KIAA1586: variants seen among roughly 807,000 people sequenced by gnomAD.
The protein encoded by KIAA1586 is KIAA1586.
KIAA1586 carries 5 observed loss-of-function variants against 6.1 expected under a neutral mutation model. That is an observed-to-expected ratio of 0.82 (90% confidence interval 0.43 to 1.73). The LOEUF is 1.73. Ranked by LOEUF, KIAA1586 falls within the 40% of genes most tolerant of loss-of-function variation. KIAA1586 has a pLI of 0.02. For synonymous variants in KIAA1586, 280 were observed against 301.7 expected, an observed-to-expected ratio of 0.93 and a Z score of 0.75; for missense variants, 899 against 878.2, an observed-to-expected ratio of 1.02 and a Z score of -0.30.
chr6:57,050,921 T>G, intron 3 of KIAA1586, 67 bp downstream of exon 3: 1 of 1,150,702 alleles, frequency 8.7e-7, no homozygotes, highest in Non-Finnish European at 1.3e-6. Context: ...GGTGGTAGCT[T>G]GAACTGGATC....
At chr6:57,048,837 C>T (rs1421712385) in intron 2 of KIAA1586, among the ~76,000 whole-genome samples, 2 of 151,902 alleles carry the variant, frequency 1.3e-5, no homozygotes, top group African/African-American at 2.4e-5. Flanking sequence ...ATCCATGTGC[C>T]GTTGAGAAAC....
chr6:57,049,201 A>G (rs1432027006), intron 2 of KIAA1586, among the ~76,000 whole-genome samples: 1 of 152,306 alleles, frequency 6.6e-6, no homozygotes, highest in South Asian at 2.1e-4. Flanking sequence ...CAGTGGTGCC[A>G]CATAAAAGAC....
At chr6:57,061,936 CT>C in the KIAA1586 span, among the ~76,000 whole-genome samples, 344 of 136,420 alleles carry the variant, frequency 2.5e-3, no homozygotes, top group Non-Finnish European at 3.0e-3. Context: ...CCTAGGTTTT[CT>C]TTTTTTTTTT....
Position 57,053,087 on chromosome 6 carries a change from A to C in KIAA1586, c.588A>C (p.Lys196Asn). The C allele has an allele frequency of 6.2e-7, 1 of 1,611,022 alleles. No individual in the cohort carries two copies. Among genetic ancestry groups the C allele is most frequent in the Non-Finnish European group, 8.5e-7 (1 of 1,179,102 alleles). Residue 196 changes from lysine to asparagine, a missense_variant, in exon 4 of 4, where the codon AAA becomes AAC. Lys to Asn is a moderately conservative substitution (Grantham distance 94). Coordinates refer to ENST00000370733, the MANE Select transcript of KIAA1586 (RefSeq NM_020931.4). ...AYLVTPNGSN[K>N]TTRQASLRKK... Reference sequence around the variant, plus strand: ...TAGTAACCCCTAATGGCAGTAATAAAACTACTAGGCAAGCTTCTCTACGAA... The same window carrying C: ...TAGTAACCCCTAATGGCAGTAATAACACTACTAGGCAAGCTTCTCTACGAA...
Position 57,053,995 on chromosome 6 carries a change from A to G in KIAA1586, c.1496A>G (p.Tyr499Cys), listed in dbSNP as rs1450721684. ...GCTGCTACTGCTGTATGGCATGCAT[A>G]TCCTATATTATATATGCATTTTTCT... Reference protein sequence around the residue: ...LQAATAVWHAYPILYMHFSHS... With the variant: ...LQAATAVWHACPILYMHFSHS... The change falls in exon 4 of 4, where the codon TAT becomes TGT. Residue 499 changes from tyrosine to cysteine, a missense_variant. Transcript: ENST00000370733. The G allele has an allele frequency of 1.2e-6, 2 of 1,605,124 alleles. No homozygotes were observed. Among genetic ancestry groups the G allele is most frequent in the Non-Finnish European group, 1.7e-6 (2 of 1,176,704 alleles).
At position 57,053,876 on chromosome 6, in the gene KIAA1586, C is replaced by CTAATAAAAATCA. The variant is rs1562571385; in HGVS notation, c.1377_1378insTAATAAAAATCA (p.Thr459_Lys460insTer). On this transcript the variant is annotated stop_gained and inframe_insertion, in exon 4 of 4. Coordinates refer to ENST00000370733, the MANE Select transcript of KIAA1586 (RefSeq NM_020931.4). LOFTEE classifies it low-confidence loss of function (END_TRUNC). ...ATCATCAACCTAATAAAAATCAAACCAAGCTTCTAGGAACTGTAGCTAAAG... is the reference window on the plus strand; with the variant it reads ...ATCATCAACCTAATAAAAATCAAACCTAATAAAAATCAAAGCTTCTAGGAACTGTAGCTAAAG... The CTAATAAAAATCA allele has an allele frequency of 1.3e-6, 2 of 1,568,946 alleles. No homozygotes were observed. The highest frequency in any genetic ancestry group is 8.6e-7 in the Non-Finnish European group (1 of 1,159,110).
the KIAA1586 span, among the ~76,000 whole-genome samples, chr6:57,062,451 T>A: frequency 6.6e-6 from 1 of 152,206 alleles, no homozygotes; most frequent in Non-Finnish European, 1.5e-5. Flanking sequence ...GTGGGGAAAC[T>A]CCTATTAAGA....
chr6:57,054,496 T>G lies in KIAA1586; in HGVS notation c.1997T>G (p.Val666Gly), dbSNP rs1241237215. 6.3e-7 allele frequency: 1 copy of G among 1,594,872 alleles called. No homozygotes were observed. Among genetic ancestry groups the G allele is most frequent in the Non-Finnish European group, 8.5e-7 (1 of 1,172,248 alleles). ...TTGTGTAAAATTTTAAAATATGAAGTTGATTTGAATGATTTTCGGGAATTT... is the reference window on the plus strand; with the variant it reads ...TTGTGTAAAATTTTAAAATATGAAGGTGATTTGAATGATTTTCGGGAATTT... The part of the protein sequence containing the change: ...FHLCKILKYE[V>G]DLNDFREFVN... The change falls in exon 4 of 4, where the codon GTT (valine) becomes GGT (glycine). Residue 666 changes from valine to glycine, a missense_variant. Transcript: ENST00000370733.
At chr6:57,052,418 G>A (rs1483993124) in intron 3 of KIAA1586, among the ~76,000 whole-genome samples, 3 of 152,112 alleles carry the variant, frequency 2.0e-5, no homozygotes, top group Non-Finnish European at 2.9e-5. Flanking sequence ...ACTCATTTGC[G>A]AAACATATGA....
intron 2 of KIAA1586, 40 bp from the exon 3 acceptor site, chr6:57,050,734 G>T: frequency 7.4e-7 from 1 of 1,342,582 alleles, no homozygotes; most frequent in South Asian, 1.2e-5. Context: ...TAATTGGAAT[G>T]ATTGTTCATG....
At chr6:57,056,549 T>TC (rs1320041900), downstream of KIAA1586, among the ~76,000 whole-genome samples, 1 of 151,478 alleles carries the variant, frequency 6.6e-6, no homozygotes, top group African/African-American at 2.4e-5. Flanking sequence ...AGGGTTTTTT[T>TC]TTTTTTTGGA....
downstream of KIAA1586, among the ~76,000 whole-genome samples, chr6:57,056,364 GC>G (rs1828498667): frequency 6.6e-6 from 1 of 151,342 alleles, no homozygotes; most frequent in Non-Finnish European, 1.5e-5. Flanking sequence ...CTGCCACCAT[GC>G]CCAGCTAATT....
Position 57,053,955 on chromosome 6 carries a change from G to A in KIAA1586, c.1456G>A (p.Ala486Thr). 2 of 1,585,022 alleles carry A rather than the reference G, an allele frequency of 1.3e-6. No homozygotes were observed. The highest frequency in any genetic ancestry group is 1.7e-4 in the Middle Eastern group (1 of 5,872). Residue 486 changes from alanine to threonine, a missense_variant, in exon 4 of 4, where the codon GCA becomes ACA. Ala to Thr is a moderately conservative substitution (Grantham distance 58, BLOSUM62 0). Transcript: ENST00000370733. ...TCGAGTAATGGGACCAAGATGGGCG[G>A]CATGTAGTTTACAAGCTGCTACTGC... Reference protein sequence around the residue: ...IGRVMGPRWAACSLQAATAVW... With the variant: ...IGRVMGPRWATCSLQAATAVW...
downstream of KIAA1586, among the ~76,000 whole-genome samples, chr6:57,058,979 A>G (rs1036080163): frequency 6.6e-5 from 10 of 152,198 alleles, no homozygotes; most frequent in African/African-American, 2.2e-4. Flanking sequence ...TTTGAAAAAG[A>G]TGAATGGGAT....
chr6:57,053,974 C>A lies in KIAA1586; in HGVS notation c.1475C>A (p.Ala492Asp). 1 of 1,591,790 alleles carries A rather than the reference C, an allele frequency of 6.3e-7. No homozygotes were observed. Among genetic ancestry groups the A allele is most frequent in the South Asian group, 1.2e-5 (1 of 86,356 alleles). ...PRWAACSLQAATAVWHAYPIL... is the reference protein window; with the variant it reads ...PRWAACSLQADTAVWHAYPIL... ...TGGGCGGCATGTAGTTTACAAGCTG[C>A]TACTGCTGTATGGCATGCATATCCT... The change falls in exon 4 of 4, where the codon GCT (alanine) becomes GAT (aspartate). Residue 492 changes from alanine (A) to aspartate (D), a missense_variant. Coordinates refer to ENST00000370733, the MANE Select transcript of KIAA1586 (RefSeq NM_020931.4).
downstream of KIAA1586, among the ~76,000 whole-genome samples, chr6:57,056,939 C>T (rs1213360651): frequency 2.6e-5 from 4 of 151,972 alleles, no homozygotes; most frequent in Admixed American, 1.3e-4. Flanking sequence ...TTAAAAATTA[C>T]AAGGCCTTGC....
the KIAA1586 span, among the ~76,000 whole-genome samples, chr6:57,062,562 C>T: frequency 6.6e-6 from 1 of 152,152 alleles, no homozygotes; most frequent in African/African-American, 2.4e-5. Flanking sequence ...TCCTAGAAGA[C>T]TTCCCAACTG....
chr6:57,059,719 A>G (rs1228015355), downstream of KIAA1586, among the ~76,000 whole-genome samples: 1 of 152,160 alleles, frequency 6.6e-6, no homozygotes, highest in African/African-American at 2.4e-5. Flanking sequence ...TTCAGGATCC[A>G]TAGTCAACTG....
downstream of KIAA1586, among the ~76,000 whole-genome samples, chr6:57,056,545 T>TC (rs1280903001): frequency 6.6e-6 from 1 of 151,222 alleles, no homozygotes; most frequent in East Asian, 1.9e-4. Context: ...AATTAGGGTT[T>TC]TTTTTTTTTT....
Sources: gnomAD v4.1 joint callset for allele counts (sites outside exome capture counted in the v4.1 genomes callset) on GRCh38, gnomAD v4.1.1 for gene constraint, MANE v1.5 for transcripts, NCBI Gene and HGNC (gene_info 2026-07-23, HGNC 2026-07-21) for gene names.